KCNIP1: variants seen among roughly 807,000 people sequenced by gnomAD.
KCNIP1 encodes the protein A-type potassium channel modulatory protein KCNIP1.
KCNIP1 carries 18 observed loss-of-function variants against 33.0 expected under a neutral mutation model. That is an observed-to-expected ratio of 0.55 (90% CI 0.38 to 0.81). The LOEUF (loss-of-function observed/expected upper bound fraction) is 0.81, where lower values mean the gene tolerates loss of function less well. Among genes scored for constraint, KCNIP1 ranks in the 30% least tolerant of loss-of-function variants. KCNIP1 has a pLI of 0.00. For missense variants in KCNIP1, 238 were observed against 271.6 expected, an observed-to-expected ratio of 0.88 and a Z score of 0.87; for synonymous variants, 93 against 98.3, an observed-to-expected ratio of 0.95 and a Z score of 0.32.
At chr5:170,632,633 G>C (rs978764399) in intron 1 of KCNIP1, among the ~76,000 whole-genome samples, 7 of 152,238 alleles carry the variant, frequency 4.6e-5, no homozygotes, top group Non-Finnish European at 1.0e-4. Context: ...GCACAAACCA[G>C]TGTCAGCTCC....
intron 1 of KCNIP1, among the ~76,000 whole-genome samples, chr5:170,381,352 A>G (rs549717568): frequency 2.6e-5 from 4 of 152,302 alleles, no homozygotes; most frequent in African/African-American, 9.6e-5. Flanking sequence ...GGGAATTTAG[A>G]ACTCACCTGC....
intron 1 of KCNIP1, among the ~76,000 whole-genome samples, chr5:170,354,750 T>A (rs1033115455): frequency 6.6e-6 from 1 of 152,200 alleles, no homozygotes; most frequent in Admixed American, 6.5e-5. Flanking sequence ...TTAAACCCCA[T>A]TTTACACTTG....
chr5:170,430,594 A>G (rs769052813), intron 1 of KCNIP1, among the ~76,000 whole-genome samples: 1 of 152,152 alleles, frequency 6.6e-6, no homozygotes, highest in African/African-American at 2.4e-5. Context: ...GTGCTTGGTG[A>G]CATTCCCAAA....
chr5:170,461,774 C>T (rs548329191), intron 1 of KCNIP1, among the ~76,000 whole-genome samples: 1 of 148,344 alleles, frequency 6.7e-6, no homozygotes, highest in South Asian at 2.1e-4. Flanking sequence ...GCAAATAGAC[C>T]AATGGAACAG....
chr5:170,679,598 C>T (rs1762257663), intron 1 of KCNIP1, among the ~76,000 whole-genome samples: 1 of 148,474 alleles, frequency 6.7e-6, no homozygotes. Flanking sequence ...ATTAGTGTAT[C>T]CTTTTGGAAA....
intron 1 of KCNIP1, among the ~76,000 whole-genome samples, chr5:170,560,331 A>G (rs1160003296): frequency 1.3e-5 from 2 of 152,116 alleles, no homozygotes; most frequent in East Asian, 1.9e-4. Flanking sequence ...GAGAGCATAC[A>G]TGCATTGGGT....
At chr5:170,659,865 A>G (rs1480703130) in intron 1 of KCNIP1, among the ~76,000 whole-genome samples, 3 of 152,190 alleles carry the variant, frequency 2.0e-5, no homozygotes, top group Non-Finnish European at 2.9e-5. Context: ...TCAGATCTCC[A>G]TCGTTCATCT....
chr5:170,599,136 T>A (rs1461047399), intron 1 of KCNIP1, among the ~76,000 whole-genome samples: 1 of 152,040 alleles, frequency 6.6e-6, no homozygotes, highest in African/African-American at 2.4e-5. Flanking sequence ...ACTGACTCAC[T>A]CCTCCTTCCT....
At chr5:170,518,997 A>G (rs1045950630) in intron 1 of KCNIP1, among the ~76,000 whole-genome samples, 1 of 152,136 alleles carries the variant, frequency 6.6e-6, no homozygotes, top group African/African-American at 2.4e-5. Flanking sequence ...GTGCCTCCAC[A>G]GCCCACCCAC....
chr5:170,599,278 G>T (rs1391143969), intron 1 of KCNIP1, among the ~76,000 whole-genome samples: 1 of 152,148 alleles, frequency 6.6e-6, no homozygotes, highest in African/African-American at 2.4e-5. Context: ...GATTACAATG[G>T]AGGGAAAAGT....
intron 1 of KCNIP1, among the ~76,000 whole-genome samples, chr5:170,480,078 A>G (rs1189973706): frequency 6.6e-6 from 1 of 152,230 alleles, no homozygotes; most frequent in Non-Finnish European, 1.5e-5. Flanking sequence ...CGTCATACTG[A>G]TTGAAAAATA....
At chr5:170,554,119 C>G (rs939821740) in intron 1 of KCNIP1, among the ~76,000 whole-genome samples, 6 of 151,746 alleles carry the variant, frequency 4.0e-5, no homozygotes, top group Non-Finnish European at 7.4e-5. Context: ...CCTGGATGGA[C>G]AGATGCCATG....
chr5:170,714,918 C>T (rs1763594534), intron 1 of KCNIP1, among the ~76,000 whole-genome samples: 1 of 152,000 alleles, frequency 6.6e-6, no homozygotes, highest in Non-Finnish European at 1.5e-5. Context: ...TAGTATAGCC[C>T]TAAGCATAAA....
At chr5:170,421,366 T>C (rs1327060752) in intron 1 of KCNIP1, among the ~76,000 whole-genome samples, 1 of 152,236 alleles carries the variant, frequency 6.6e-6, no homozygotes, top group Non-Finnish European at 1.5e-5. Context: ...CCAGAAATCA[T>C]GTGGTCTCTC....
intron 1 of KCNIP1, among the ~76,000 whole-genome samples, chr5:170,670,930 G>A (rs1263160940): frequency 6.6e-6 from 1 of 151,450 alleles, no homozygotes; most frequent in Non-Finnish European, 1.5e-5. Context: ...AAAAAGAAGA[G>A]GACATCTGGA....
intron 1 of KCNIP1, among the ~76,000 whole-genome samples, chr5:170,534,655 A>G (rs1250888343): frequency 4.0e-5 from 6 of 151,668 alleles, no homozygotes; most frequent in African/African-American, 1.5e-4. Context: ...AGTAGCTGGG[A>G]CCACAGGCAG....
intron 1 of KCNIP1, among the ~76,000 whole-genome samples, chr5:170,689,508 T>G (rs747929667): frequency 2.0e-5 from 3 of 152,190 alleles, no homozygotes; most frequent in Admixed American, 6.5e-5. Flanking sequence ...AGTAAGTAGC[T>G]GAACCACAAA....
chr5:170,668,461 G>C (rs1190372857), intron 1 of KCNIP1, among the ~76,000 whole-genome samples: 2 of 152,218 alleles, frequency 1.3e-5, no homozygotes, highest in African/African-American at 4.8e-5. Context: ...CTCCTCCCCT[G>C]TTGATGAGCA....
At chr5:170,497,439 G>A (rs1757330816) in intron 1 of KCNIP1, among the ~76,000 whole-genome samples, 2 of 152,112 alleles carry the variant, frequency 1.3e-5, no homozygotes, top group Non-Finnish European at 1.5e-5. Context: ...TCCTCCTTAG[G>A]ACAAAGTTTC....
Sources: gnomAD v4.1 joint callset for allele counts (sites outside exome capture counted in the v4.1 genomes callset) on GRCh38, gnomAD v4.1.1 for gene constraint, MANE v1.5 for transcripts, NCBI Gene and HGNC (gene_info 2026-07-23, HGNC 2026-07-21) for gene names.